FAM13A: variants seen among roughly 807,000 people sequenced by gnomAD.
FAM13A encodes protein FAM13A.
In FAM13A, 76 loss-of-function variants were observed where a neutral mutation model predicts 129.6. The ratio of observed to expected loss-of-function variants is 0.59; its 90% CI spans 0.49 to 0.71. The LOEUF (loss-of-function observed/expected upper bound fraction) is 0.71, where lower values mean the gene tolerates loss of function less well. Ranked by LOEUF, FAM13A falls within the 30% of genes least tolerant of loss-of-function variation. The pLI is 0.00. For missense variants in FAM13A, 1,108 were observed against 1,249.3 expected (o/e 0.89, Z 1.70); for synonymous variants, 443 against 449.9 (o/e 0.98, Z 0.20).
chr4:88,818,248 C>T (rs1028585553), intron 7 of FAM13A, among the ~76,000 whole-genome samples: 2 of 152,078 alleles, frequency 1.3e-5, no homozygotes, highest in African/African-American at 2.4e-5. Flanking sequence ...TGATCCCCCC[C>T]GGACTTGGCC....
chr4:89,027,219 C>T (rs1768082027), intron 2 of FAM13A, among the ~76,000 whole-genome samples: 1 of 152,086 alleles, frequency 6.6e-6, no homozygotes, highest in Non-Finnish European at 1.5e-5. Flanking sequence ...AATAATAAAA[C>T]AGAATAGAGC....
intron 4 of FAM13A, among the ~76,000 whole-genome samples, chr4:88,974,539 G>T (rs898505495): frequency 6.6e-6 from 1 of 151,970 alleles, no homozygotes; most frequent in Non-Finnish European, 1.5e-5. Context: ...GTGTAATGGC[G>T]TGATCTTGGC....
At chr4:88,800,696 C>CAAAAAAA (rs1185321303) in intron 8 of FAM13A, among the ~76,000 whole-genome samples, 11 of 54,144 alleles carry the variant, frequency 2.0e-4, no homozygotes, top group Non-Finnish European at 3.4e-4. Context: ...GAAACAAAAA[C>CAAAAAAA]AAAAAAAAAA....
chr4:88,849,995 T>C (rs1192919267), intron 7 of FAM13A, among the ~76,000 whole-genome samples: 3 of 152,174 alleles, frequency 2.0e-5, no homozygotes, highest in East Asian at 3.8e-4. Context: ...ATCTTCGCCA[T>C]CTAAATTATC....
Position 88,726,195 on chromosome 4 carries a change from G to A in FAM13A, c.*2338C>T, listed in dbSNP as rs1200859691. 5 of 152,132 alleles carry A rather than the reference G, an allele frequency of 3.3e-5. No homozygotes were observed. Among genetic ancestry groups the A allele is most frequent in the Admixed American group, 3.3e-4 (5 of 15,268 alleles). 9.4% of individuals were successfully genotyped at this position (152,132 alleles called of 1,614,324 possible). A position where few individuals can be genotyped will look rare whatever the true frequency, so the allele number is the denominator to read the frequency against. ...TGGGGAACACATCTCCCTCGGCAGA[G>A]CCAGAAACCACTGACTGACTGACTA... is the stretch of plus-strand genomic sequence containing the variant. On this transcript the variant is annotated 3_prime_UTR_variant, in exon 24 of 24. Coordinates refer to ENST00000264344, the MANE Select transcript of FAM13A (RefSeq NM_014883.4).
intron 6 of FAM13A, among the ~76,000 whole-genome samples, chr4:88,893,456 T>C (rs564862702): frequency 6.6e-6 from 1 of 152,138 alleles, no homozygotes; most frequent in South Asian, 2.1e-4. Context: ...AACCCCGTCT[T>C]ACTAAAAATA....
At chr4:88,903,488 A>C (rs1747625372) in intron 6 of FAM13A, among the ~76,000 whole-genome samples, 1 of 152,192 alleles carries the variant, frequency 6.6e-6, no homozygotes, top group South Asian at 2.1e-4. Flanking sequence ...ATCTGTGACA[A>C]AACTGACAAA....
chr4:88,831,400 A>G (rs944998600), intron 7 of FAM13A, among the ~76,000 whole-genome samples: 1 of 152,204 alleles, frequency 6.6e-6, no homozygotes, highest in Non-Finnish European at 1.5e-5. Flanking sequence ...CCTTAGAGAC[A>G]TGTCAAAATT....
intron 1 of FAM13A, among the ~76,000 whole-genome samples, chr4:89,053,370 G>C (rs1009111728): frequency 6.6e-6 from 1 of 152,020 alleles, no homozygotes; most frequent in Non-Finnish European, 1.5e-5. Context: ...CAGGGAGTGT[G>C]GTCCTTTCTT....
intron 14 of FAM13A, among the ~76,000 whole-genome samples, chr4:88,752,293 A>G (rs569331446): frequency 4.2e-4 from 64 of 152,344 alleles, no homozygotes; most frequent in Non-Finnish European, 7.6e-4. Flanking sequence ...TGGGTCTAGA[A>G]GCTAAGTCTC....
Position 88,775,240 on chromosome 4 carries a change from C to T in FAM13A, c.1458+5925G>A, listed in dbSNP as rs116712135. Reference sequence around the variant, plus strand: ...ACAAAGAGCCACAAAGTATCAAACACCCCAAGGCCTTGAGGAGGCCAAGAA... The same window carrying T: ...ACAAAGAGCCACAAAGTATCAAACATCCCAAGGCCTTGAGGAGGCCAAGAA... On this transcript the variant is annotated intron_variant, in intron 11 of 23. Coordinates refer to ENST00000264344, the MANE Select transcript of FAM13A (RefSeq NM_014883.4). 3.8e-3 allele frequency among the ~76,000 whole-genome samples: 583 copies of T among 152,212 alleles called. 4 individuals carry two copies. Among genetic ancestry groups the T allele is most frequent in the African/African-American group, 0.014 (568 of 41,542 alleles).
At chr4:88,923,918 C>T (rs1286912677) in intron 5 of FAM13A, among the ~76,000 whole-genome samples, 1 of 152,102 alleles carries the variant, frequency 6.6e-6, no homozygotes, top group Non-Finnish European at 1.5e-5. Flanking sequence ...AACAGACAAA[C>T]AGAGAGCCAA....
chr4:88,854,210 AC>A (rs1738103274), intron 6 of FAM13A, among the ~76,000 whole-genome samples: 1 of 152,204 alleles, frequency 6.6e-6, no homozygotes. Context: ...CTTTTATAAA[AC>A]ATATTCTAAT....
intron 10 of FAM13A, among the ~76,000 whole-genome samples, chr4:88,784,334 A>G (rs1339197458): frequency 6.6e-6 from 1 of 152,210 alleles, no homozygotes; most frequent in Non-Finnish European, 1.5e-5. Flanking sequence ...CTTCAGGGGC[A>G]CTTTATTTAG....
intron 5 of FAM13A, among the ~76,000 whole-genome samples, chr4:88,923,415 T>C (rs566699933): frequency 2.0e-5 from 3 of 152,182 alleles, no homozygotes; most frequent in Non-Finnish European, 2.9e-5. Context: ...AATCAATAAA[T>C]GTAATCCAGC....
rs373360681 is a variant in FAM13A at position 88,857,578 on chromosome 4, A to C, written c.844-6395T>G. Among the ~76,000 whole-genome samples the C allele has an allele frequency of 6.0e-4, 91 of 151,006 alleles. No individual in the cohort carries two copies. In the East Asian group the frequency reaches 0.016, roughly 27 times the overall value. On this transcript the variant is annotated intron_variant, in intron 6 of 23. Coordinates refer to ENST00000264344, the MANE Select transcript of FAM13A (RefSeq NM_014883.4). ...TGGGAGGCGGAGGTTGCAGTGAGTG[A>C]AGATTGTGCCACTGCACTCCAGCCT...
intron 3 of FAM13A, among the ~76,000 whole-genome samples, chr4:89,002,581 G>A (rs1764407563): frequency 6.6e-6 from 1 of 152,072 alleles, no homozygotes; most frequent in South Asian, 2.1e-4. Context: ...TGACATTTGG[G>A]CATCCCCAAA....
chr4:89,003,089 G>A (rs918777264), intron 3 of FAM13A, among the ~76,000 whole-genome samples: 1 of 151,952 alleles, frequency 6.6e-6, no homozygotes, highest in Non-Finnish European at 1.5e-5. Context: ...TTAACATAAT[G>A]GGTAGAAAAA....
intron 5 of FAM13A, among the ~76,000 whole-genome samples, chr4:88,908,337 C>T (rs540756514): frequency 5.9e-5 from 9 of 152,294 alleles, no homozygotes; most frequent in Middle Eastern, 6.8e-3. Flanking sequence ...TTGGATAACA[C>T]AATTATGCTT....
Sources: gnomAD v4.1 joint callset for allele counts (sites outside exome capture counted in the v4.1 genomes callset) on GRCh38, gnomAD v4.1.1 for gene constraint, MANE v1.5 for transcripts, NCBI Gene and HGNC (gene_info 2026-07-23, HGNC 2026-07-21) for gene names.